SLC8A1: variants seen among roughly 807,000 people sequenced by gnomAD.
SLC8A1 encodes solute carrier family 8 member A1.
A neutral mutation model predicts 68.3 loss-of-function variants in SLC8A1; 18 were observed. The ratio of observed to expected loss-of-function variants is 0.26; its 90% CI spans 0.18 to 0.39. The LOEUF (loss-of-function observed/expected upper bound fraction) is 0.39, where lower values mean the gene tolerates loss of function less well. Among genes scored for constraint, SLC8A1 ranks in the 10% least tolerant of loss-of-function variants. SLC8A1 has a pLI of 1.00. For synonymous variants in SLC8A1, 475 were observed against 415.5 expected, an observed-to-expected ratio of 1.14 and a Z score of -1.74; for missense variants, 985 against 1,156.7, an observed-to-expected ratio of 0.85 and a Z score of 2.15.
At chr2:40,137,453 C>A (rs1430467709) in intron 7 of SLC8A1, among the ~76,000 whole-genome samples, 1 of 152,140 alleles carries the variant, frequency 6.6e-6, no homozygotes, top group Non-Finnish European at 1.5e-5. Context: ...AGAGACTAAA[C>A]CCATGACCAA....
intron 2 of SLC8A1, among the ~76,000 whole-genome samples, chr2:40,327,594 T>C (rs1324854678): frequency 2.7e-5 from 4 of 149,788 alleles, no homozygotes; most frequent in Admixed American, 6.7e-5. Flanking sequence ...AAAAAAAACA[T>C]GTTCTTTGCA....
intron 1 of SLC8A1, among the ~76,000 whole-genome samples, chr2:40,499,473 A>T (rs1204182193): frequency 3.3e-5 from 5 of 152,088 alleles, no homozygotes; most frequent in African/African-American, 1.2e-4. Context: ...TGTTACCAGG[A>T]GCAAAAGGTG....
chr2:40,204,024 T>G (rs1273011895), intron 2 of SLC8A1, among the ~76,000 whole-genome samples: 1 of 151,896 alleles, frequency 6.6e-6, no homozygotes. Context: ...CTGGTGAAGG[T>G]TGAAAACAAT....
chr2:40,326,710 T>C (rs938443542), intron 2 of SLC8A1, among the ~76,000 whole-genome samples: 3 of 152,220 alleles, frequency 2.0e-5, no homozygotes, highest in African/African-American at 7.2e-5. Flanking sequence ...TACTATGGGC[T>C]ACTAATGGTT....
chr2:40,218,602 T>C lies in SLC8A1; in HGVS notation c.1809-40747A>G, dbSNP rs2057844176. ...ATATTATCGTATATGGAATTTTCTG[T>C]ATATAAAGCAAAGGGAAAAAAAAGG... On this transcript the variant is annotated intron_variant, in intron 2 of 7. Transcript: ENST00000406785. Among the ~76,000 whole-genome samples the C allele has an allele frequency of 2.0e-5, 3 of 152,106 alleles. No individual in the cohort carries two copies. The South Asian group carries it at 6.2e-4, about 32-fold the overall frequency.
intron 2 of SLC8A1, among the ~76,000 whole-genome samples, chr2:40,420,330 G>A (rs1048734344): frequency 6.7e-6 from 1 of 149,966 alleles, no homozygotes; most frequent in South Asian, 2.1e-4. Flanking sequence ...ATTCTTTGCT[G>A]TCATTAATTT....
chr2:40,208,007 G>C (rs1016465775), intron 2 of SLC8A1, among the ~76,000 whole-genome samples: 6 of 152,130 alleles, frequency 3.9e-5, no homozygotes, highest in Admixed American at 1.3e-4. Flanking sequence ...CCACAGCACT[G>C]CAAGAGCTTC....
chr2:40,407,778 C>T (rs1052307416), intron 2 of SLC8A1, among the ~76,000 whole-genome samples: 1 of 152,198 alleles, frequency 6.6e-6, no homozygotes, highest in African/African-American at 2.4e-5. Context: ...ACTTGACCTT[C>T]CTAACCTTTT....
At chr2:40,146,737 A>C (rs1210546953) in intron 6 of SLC8A1, among the ~76,000 whole-genome samples, 1 of 152,070 alleles carries the variant, frequency 6.6e-6, no homozygotes, top group East Asian at 1.9e-4. Flanking sequence ...ATTTGAGTTC[A>C]AGTTTGCTAT....
intron 2 of SLC8A1, among the ~76,000 whole-genome samples, chr2:40,312,037 A>G (rs925433190): frequency 4.6e-5 from 7 of 152,068 alleles, no homozygotes; most frequent in Non-Finnish European, 8.8e-5. Flanking sequence ...CTTTTGATTT[A>G]TTAAATCACC....
chr2:40,408,984 A>G (rs1348872608), intron 2 of SLC8A1, among the ~76,000 whole-genome samples: 2 of 152,210 alleles, frequency 1.3e-5, no homozygotes, highest in Non-Finnish European at 2.9e-5. Context: ...TAGGAATGAA[A>G]AAAGTTGTAA....
At chr2:40,154,470 AT>A (rs1330373187) in intron 6 of SLC8A1, among the ~76,000 whole-genome samples, 57 of 76,954 alleles carry the variant, frequency 7.4e-4, no homozygotes, top group South Asian at 6.7e-3. Context: ...TGCCCGGCTA[AT>A]TTTTTTTCTT....
At position 40,257,016 on chromosome 2, in the gene SLC8A1, GTAAATAAATAAA is replaced by G. The variant is rs70957166; in HGVS notation, c.1809-79173_1809-79162del. Reference sequence around the variant, plus strand: ...TTATAAGATTGAGCCTATCAAGTAAGTAAATAAATAAATAAATAAATAAATAAATAAATGAAT... The same window carrying G: ...TTATAAGATTGAGCCTATCAAGTAAGTAAATAAATAAATAAATAAATGAAT... On this transcript the variant is annotated intron_variant, in intron 2 of 7. Transcript: ENST00000406785. Among the ~76,000 whole-genome samples, 150 of 151,292 alleles carry G rather than the reference GTAAATAAATAAA, an allele frequency of 9.9e-4. 1 individual carries two copies. The highest frequency in any genetic ancestry group is 2.9e-3 in the African/African-American group (121 of 41,140).
At chr2:40,186,443 C>A (rs1052161897) in intron 2 of SLC8A1, among the ~76,000 whole-genome samples, 7 of 152,048 alleles carry the variant, frequency 4.6e-5, no homozygotes, top group African/African-American at 1.7e-4. Context: ...CAGAGAAGAT[C>A]CATGCATATA....
chr2:40,374,233 C>A (rs1679073795), intron 2 of SLC8A1, among the ~76,000 whole-genome samples: 1 of 151,994 alleles, frequency 6.6e-6, no homozygotes, highest in African/African-American at 2.4e-5. Context: ...GGAATAAGGC[C>A]AGGCACAGCG....
At chr2:40,144,407 G>A (rs79731664) in intron 6 of SLC8A1, among the ~76,000 whole-genome samples, 1 of 152,250 alleles carries the variant, frequency 6.6e-6, no homozygotes, top group Non-Finnish European at 1.5e-5. Context: ...ATCTCACACA[G>A]AATTTAAGTG....
rs113585356 is a variant in SLC8A1 at position 40,439,656 on chromosome 2, T to C, written c.-24-9352A>G. On this transcript the variant is annotated intron_variant, in intron 1 of 7. Coordinates refer to ENST00000406785, the Ensembl canonical transcript of SLC8A1. ...AGAGGCTGGTGAATTTCATCAGCTTTTTCAGTGAGTCATTAAGATTCATCT... is the reference window on the plus strand; with the variant it reads ...AGAGGCTGGTGAATTTCATCAGCTTCTTCAGTGAGTCATTAAGATTCATCT... Among the ~76,000 whole-genome samples the C allele has an allele frequency of 5.3e-3, 801 of 152,270 alleles. 10 individuals carry two copies. Among genetic ancestry groups the C allele is most frequent in the African/African-American group, 0.018 (751 of 41,556 alleles).
chr2:40,416,355 A>G (rs979257644), intron 2 of SLC8A1, among the ~76,000 whole-genome samples: 3 of 152,182 alleles, frequency 2.0e-5, no homozygotes, highest in African/African-American at 7.2e-5. Flanking sequence ...ATCAAGACTC[A>G]CTAAGAAACA....
chr2:40,430,343 T>C, intron 1 of SLC8A1, 39 bp from the exon 2 acceptor site: 1 of 1,524,734 alleles, frequency 6.6e-7, no homozygotes, highest in Non-Finnish European at 8.8e-7. Context: ...AGAAAAAAAG[T>C]CATGTCATTA....
Sources: allele counts gnomAD v4.1 joint callset (sites outside exome capture counted in the v4.1 genomes callset), GRCh38; gene constraint gnomAD v4.1.1; transcripts MANE v1.5; gene names NCBI Gene and HGNC (gene_info 2026-07-23, HGNC 2026-07-21).